The following VPS52 variants were observed in gnomAD, a reference collection of about 807,000 sequenced individuals.
The protein encoded by VPS52 is vacuolar protein sorting-associated protein 52 homolog.
VPS52 carries 56 observed loss-of-function variants against 98.7 expected under a neutral mutation model. That is an observed-to-expected ratio of 0.57 (90% CI 0.46 to 0.71). The LOEUF is 0.71. Ranked by LOEUF, VPS52 falls within the 30% of genes least tolerant of loss-of-function variation. VPS52 has a pLI of 0.00. For synonymous variants in VPS52, 348 were observed against 346.4 expected, an observed-to-expected ratio of 1.00 and a Z score of -0.05; for missense variants, 742 against 925.9, an observed-to-expected ratio of 0.80 and a Z score of 2.58.
At position 33,254,253 on chromosome 6, in the gene VPS52, G is replaced by A. The variant is rs116916124; in HGVS notation, c.1795-2282C>T. ...CATGTCACTGCACTCCAGCCTGGGCGACAGAGCAGCAACTTGTCTCAGTAA... is the reference window on the plus strand; with the variant it reads ...CATGTCACTGCACTCCAGCCTGGGCAACAGAGCAGCAACTTGTCTCAGTAA... On this transcript the variant is annotated intron_variant, in intron 17 of 19. Transcript: ENST00000445902. 2.8e-4 allele frequency among the ~76,000 whole-genome samples: 43 copies of A among 152,160 alleles called. No homozygotes were observed. In the East Asian group the frequency reaches 8.3e-3, roughly 29 times the overall value.
chr6:33,255,399 T>G (rs1267060430), intron 17 of VPS52, among the ~76,000 whole-genome samples: 1 of 151,054 alleles, frequency 6.6e-6, no homozygotes, highest in Admixed American at 6.6e-5. Context: ...CTTAATCTCC[T>G]GCAATGATCC....
intron 14 of VPS52, 106 bp from the exon 15 acceptor site, chr6:33,264,209 A>G: frequency 3.9e-6 from 6 of 1,538,116 alleles, no homozygotes; most frequent in Non-Finnish European, 5.4e-6. Context: ...CTCTACCTTC[A>G]GTCCCTCCTA....
intron 12 of VPS52, among the ~76,000 whole-genome samples, chr6:33,265,405 C>T (rs1231523742): frequency 6.6e-6 from 1 of 152,034 alleles, no homozygotes; most frequent in African/African-American, 2.4e-5. Flanking sequence ...GTTGTTTTGT[C>T]ACCTAGGCTG....
chr6:33,267,045 G>C lies in VPS52; in HGVS notation c.1125+143C>G, dbSNP rs1031588552. The C allele has an allele frequency of 6.4e-5, 77 of 1,194,218 alleles. No homozygotes were observed. Among genetic ancestry groups the C allele is most frequent in the Admixed American group, 4.4e-4 (16 of 36,258 alleles). 74.0% of individuals were successfully genotyped at this position (1,194,218 alleles called of 1,614,324 possible). A position where few individuals can be genotyped will look rare whatever the true frequency, so the allele number is the denominator to read the frequency against. On this transcript the variant is annotated intron_variant, in intron 11 of 19. Coordinates refer to ENST00000445902, the MANE Select transcript of VPS52 (RefSeq NM_022553.6). This position sits in a 1 kb window ranked among gnomAD's most constrained non-coding sequence, Gnocchi z 4.2. Reference sequence around the variant, plus strand: ...AGCTCTTTTCACATCACAGCAGGCTGGAGTGATTGGAGAAGGCCACTCCCA... The same window carrying C: ...AGCTCTTTTCACATCACAGCAGGCTCGAGTGATTGGAGAAGGCCACTCCCA...
chr6:33,264,517 CAG>C lies in VPS52; in HGVS notation c.1401-22_1401-21del. 2 of 1,613,524 alleles carry C rather than the reference CAG, an allele frequency of 1.2e-6. No homozygotes were observed. The highest frequency in any genetic ancestry group is 1.7e-6 in the Non-Finnish European group (2 of 1,179,744). On this transcript the variant is annotated intron_variant, in intron 13 of 19. Transcript: ENST00000445902. ...CAGTACCTGTGGGCTTAATCAGAAT[CAG>C]AGGTCAGCCAGCAAGGAATGTTGGA...
In VPS52 at chr6:33,267,550, G is replaced by A. The variant is rs537622973; in HGVS notation, c.991+132C>T. The A allele has an allele frequency of 1.5e-5, 18 of 1,240,634 alleles. No homozygotes were observed. The African/African-American group carries it at 1.5e-4, about 10-fold the overall frequency. 76.9% of individuals were successfully genotyped at this position (1,240,634 alleles called of 1,614,324 possible). A position where few individuals can be genotyped will look rare whatever the true frequency, so the allele number is the denominator to read the frequency against. ...TGTGTGCATCTTTCTGGGGAGGGAG[G>A]CTATAGCTTTCATCACATTCTAAAA... On this transcript the variant is annotated intron_variant, in intron 10 of 19. Coordinates refer to ENST00000445902, the MANE Select transcript of VPS52 (RefSeq NM_022553.6). This position sits in a 1 kb window ranked among gnomAD's most constrained non-coding sequence, Gnocchi z 4.2.
At chr6:33,255,981 T>C (rs777052952) in intron 17 of VPS52, among the ~76,000 whole-genome samples, 1 of 152,066 alleles carries the variant, frequency 6.6e-6, no homozygotes, top group Non-Finnish European at 1.5e-5. Context: ...GGGTTCTCAC[T>C]ATCACCTTTC....
rs767379008 is a variant in VPS52, at chr6:33,250,825, G to A, written c.*16C>T. Reference sequence around the variant, plus strand: ...CATGGAGATGACCGGCAGATCTCAGGGCGGTTTCTGGCACATCAGAAGTTG... The same window carrying A: ...CATGGAGATGACCGGCAGATCTCAGAGCGGTTTCTGGCACATCAGAAGTTG... On this transcript the variant is annotated 3_prime_UTR_variant, in exon 20 of 20. Transcript: ENST00000445902. 6.2e-7 allele frequency: 1 copy of A among 1,606,966 alleles called. No homozygotes were observed. Among genetic ancestry groups the A allele is most frequent in the Non-Finnish European group, 8.5e-7 (1 of 1,175,292 alleles).
rs1764604188 is a variant in VPS52, at chr6:33,268,444, G to T, written c.699+55C>A. The T allele has an allele frequency of 6.5e-7, 1 of 1,540,768 alleles. No individual in the cohort carries two copies. Among genetic ancestry groups the T allele is most frequent in the African/African-American group, 1.4e-5 (1 of 72,666 alleles). ...CTCTGCCAAGGAAATCCATAGTGAAGATCTTGGGAAGGCTGCTTCCAGTAG... is the reference window on the plus strand; with the variant it reads ...CTCTGCCAAGGAAATCCATAGTGAATATCTTGGGAAGGCTGCTTCCAGTAG... On this transcript the variant is annotated intron_variant, in intron 7 of 19. Transcript: ENST00000445902. This position sits in a 1 kb window ranked among gnomAD's most constrained non-coding sequence, Gnocchi z 4.0.
chr6:33,250,961 G>A lies in VPS52; in HGVS notation c.2052C>T (p.Leu684=), dbSNP rs1447112132. ...ACAGCACCCGGTGGAAGCGATGATAGAGCTGGATCAGCTGGGTCAGCGCTC... is the reference window on the plus strand; with the variant it reads ...ACAGCACCCGGTGGAAGCGATGATAAAGCTGGATCAGCTGGGTCAGCGCTC... ...IQGALTQLIQ[L]YHRFHRVLSQ... The change falls in exon 20 of 20, where the codon CTC becomes CTT. Residue 684 remains leucine (L), a synonymous_variant. Transcript: ENST00000445902. 1.2e-6 allele frequency: 2 copies of A among 1,613,058 alleles called. No homozygotes were observed. The highest frequency in any genetic ancestry group is 1.3e-5 in the African/African-American group (1 of 75,046).
Position 33,250,993 on chromosome 6 carries a change from CAAAG to C in VPS52, c.2026-10_2026-7del. Reference sequence around the variant, plus strand: ...ATCAGCTGGGTCAGCGCTCCCTGGTCAAAGAAAGTCATTGAGGGATCAAACCGTA... The same window carrying C: ...ATCAGCTGGGTCAGCGCTCCCTGGTCAAAGTCATTGAGGGATCAAACCGTA... On this transcript the variant is annotated splice_polypyrimidine_tract_variant and splice_region_variant and intron_variant, in intron 19 of 19. Coordinates refer to ENST00000445902, the MANE Select transcript of VPS52 (RefSeq NM_022553.6). The C allele has an allele frequency of 3.1e-6, 5 of 1,612,922 alleles. No homozygotes were observed. Among genetic ancestry groups the C allele is most frequent in the Non-Finnish European group, 4.2e-6 (5 of 1,180,006 alleles).
In VPS52 at chr6:33,251,857, T is replaced by C; in HGVS notation, c.1906+3A>G. 6.2e-7 allele frequency: 1 copy of C among 1,613,646 alleles called. No individual in the cohort carries two copies. Among genetic ancestry groups the C allele is most frequent in the East Asian group, 2.2e-5 (1 of 44,894 alleles). On this transcript the variant is annotated splice_donor_region_variant and intron_variant, in intron 18 of 19. Coordinates refer to ENST00000445902, the MANE Select transcript of VPS52 (RefSeq NM_022553.6). ...TCCCATCATTACCATATTTTCCTCATACCTTCTTCCCCTCGAAGTCGCTCA... is the reference window on the plus strand; with the variant it reads ...TCCCATCATTACCATATTTTCCTCACACCTTCTTCCCCTCGAAGTCGCTCA...
In VPS52 at chr6:33,264,847, G is replaced by C. The variant is rs1450726468; in HGVS notation, c.1335C>G (p.Leu445=). 3 of 1,612,972 alleles carry C rather than the reference G, an allele frequency of 1.9e-6. No homozygotes were observed. Among genetic ancestry groups the C allele is most frequent in the Non-Finnish European group, 2.5e-6 (3 of 1,180,048 alleles). The change falls in exon 13 of 20, where the codon CTC becomes CTG. Residue 445 remains leucine (L), a synonymous_variant. Coordinates refer to ENST00000445902, the MANE Select transcript of VPS52 (RefSeq NM_022553.6). ...ADCYDAIAVF[L]CIHIVLRFRN... ...GGAACCGGAGAACAATGTGGATACA[G>C]AGAAAAACAGCAATGGCATCGTAGC...
intron 17 of VPS52, among the ~76,000 whole-genome samples, chr6:33,257,078 G>A (rs6457722): frequency 0.021 from 3,195 of 152,156 alleles, 107 homozygotes; most frequent in African/African-American, 0.071. Flanking sequence ...TGCCCAGGCT[G>A]GAGTGCAGCA....
At position 33,251,906 on chromosome 6, in the gene VPS52, C is replaced by G; in HGVS notation, c.1860G>C (p.Glu620Asp). Residue 620 changes from glutamate (E) to aspartate (D), a missense_variant, in exon 18 of 20, where the codon GAG (glutamate) becomes GAC (aspartate). By Grantham distance (45) the Glu-to-Asp change is conservative. Transcript: ENST00000445902. ...CAGCCTGTCCACGCTCAATCAAAGCCTCAGCCTCCTTCACAAATGCCACTA... is the reference window on the plus strand; with the variant it reads ...CAGCCTGTCCACGCTCAATCAAAGCGTCAGCCTCCTTCACAAATGCCACTA... ...GGLVAFVKEAEALIERGQAER... is the reference protein window; with the variant it reads ...GGLVAFVKEADALIERGQAER... 6.2e-7 allele frequency: 1 copy of G among 1,613,282 alleles called. No homozygotes were observed. The highest frequency in any genetic ancestry group is 8.5e-7 in the Non-Finnish European group (1 of 1,180,044).
At position 33,268,787 on chromosome 6, in the gene VPS52, C is replaced by T; in HGVS notation, c.549-138G>A. 1 of 1,219,816 alleles carries T rather than the reference C, an allele frequency of 8.2e-7. No individual in the cohort carries two copies. The highest frequency in any genetic ancestry group is 1.1e-6 in the Non-Finnish European group (1 of 900,372). The allele number at this position is 1,219,816 out of a possible 1,614,324, so 75.6% of individuals were successfully genotyped here. ...GTACCATATAGTCAGGACACATGTACAAAGTTTTCTATTCCTGGACCTCCC... is the reference window on the plus strand; with the variant it reads ...GTACCATATAGTCAGGACACATGTATAAAGTTTTCTATTCCTGGACCTCCC... On this transcript the variant is annotated intron_variant, in intron 6 of 19. Coordinates refer to ENST00000445902, the MANE Select transcript of VPS52 (RefSeq NM_022553.6). The surrounding 1 kb of genome is among the most constrained non-coding windows in gnomAD (Gnocchi z 4.0).
chr6:33,256,786 C>T (rs533206242), intron 17 of VPS52, among the ~76,000 whole-genome samples: 19 of 146,062 alleles, frequency 1.3e-4, no homozygotes, highest in Non-Finnish European at 2.5e-4. Flanking sequence ...GGTTGCAGTG[C>T]GCTGAGATTG....
At position 33,266,708 on chromosome 6, in the gene VPS52, G is replaced by A; in HGVS notation, c.1130C>T (p.Pro377Leu). ...CTGGCTGCGGAAGAGGGCCTCAAAT[G>A]GATACTGGGAGAGGAGGAGTAAAGA... ...HTAQRGEQRY[P>L]FEALFRSQHY... Residue 377 changes from proline (P) to leucine (L), a missense_variant, in exon 12 of 20, where the codon CCA becomes CTA. Physicochemically the swap from Pro to Leu is moderately conservative, Grantham distance 98. Around this residue, in one of 2 missense-constraint regions of VPS52, gnomAD observed 590 missense variants for 793.3 expected, o/e 0.74. Coordinates refer to ENST00000445902, the MANE Select transcript of VPS52 (RefSeq NM_022553.6). 6.2e-7 allele frequency: 1 copy of A among 1,607,738 alleles called. No homozygotes were observed. The highest frequency in any genetic ancestry group is 8.5e-7 in the Non-Finnish European group (1 of 1,177,122).
chr6:33,264,382 GC>G lies in VPS52; in HGVS notation c.1515del (p.His507ThrfsTer58), dbSNP rs747631677. ...DPQRLGGLDTRPHYITRRYAE... is the reference protein window; with the variant it reads ...DPQRLGGLDTXPHYITRRYAE... ...CCCTTGCCCTCCCTCACATAGTGGG[GC>G]CGAGTATCCAACCCCCCTAGGCGCT... On this transcript the variant is annotated frameshift_variant, in exon 14 of 20. Transcript: ENST00000445902. LOFTEE classifies it high-confidence loss of function. 1 of 1,613,980 alleles carries G rather than the reference GC, an allele frequency of 6.2e-7. No homozygotes were observed.
Sources: gnomAD v4.1 joint callset for allele counts (sites outside exome capture counted in the v4.1 genomes callset) on GRCh38, gnomAD v4.1.1 for gene constraint, gnomAD v4.1.1 regional missense constraint, Gnocchi (gnomAD v3.1) non-coding constraint, MANE v1.5 for transcripts, NCBI Gene and HGNC (gene_info 2026-07-23, HGNC 2026-07-21) for gene names.